The following POLG variants were observed in gnomAD, a reference collection of about 807,000 sequenced individuals.
POLG encodes DNA polymerase subunit gamma-1.
A neutral mutation model predicts 155.4 loss-of-function variants in POLG; 110 were observed. The observed-to-expected ratio is 0.71, with a 90% CI of 0.61 to 0.83. The LOEUF (loss-of-function observed/expected upper bound fraction) is 0.83. POLG is among the 40% of genes least tolerant of loss of function. The pLI, the probability that POLG is intolerant of heterozygous loss-of-function variation, is 0.00. For synonymous variants in POLG, 701 were observed against 631.5 expected, an observed-to-expected ratio of 1.11 and a Z score of -1.65; for missense variants, 1,685 against 1,627.5, an observed-to-expected ratio of 1.04 and a Z score of -0.61.
Position 89,323,516 on chromosome 15 carries a change from G to A in POLG, c.2158-5C>T. ...CTTGGGGCCACCACGGGCAGTCTGT[G>A]AGGGCCACACACCTATATCAGGCCC... is the stretch of plus-strand genomic sequence containing the variant. On this transcript the variant is annotated splice_region_variant and splice_polypyrimidine_tract_variant and intron_variant, in intron 12 of 22. Coordinates refer to ENST00000268124, the MANE Select transcript of POLG (RefSeq NM_002693.3). The A allele has an allele frequency of 6.3e-7, 1 of 1,575,642 alleles. No homozygotes were observed.
At chr15:89,317,955 A>C (rs2055326750) in intron 21 of POLG, 1 of 311,304 alleles carries the variant, frequency 3.2e-6, no homozygotes, top group Non-Finnish European at 6.2e-6. Context: ...ATCAGGATAG[A>C]TCATGGTTCC....
intron 6 of POLG, 105 bp from the exon 7 acceptor site, chr15:89,327,454 C>A (rs1305649732): frequency 1.9e-6 from 2 of 1,033,080 alleles, no homozygotes; most frequent in Non-Finnish European, 2.9e-6. Flanking sequence ...TGACATGGCA[C>A]AGCTCAAAAG....
intron 10 of POLG, among the ~76,000 whole-genome samples, chr15:89,325,123 T>TGAGA (rs1567189427): frequency 3.3e-4 from 13 of 39,288 alleles, no homozygotes; most frequent in African/African-American, 1.3e-3. Flanking sequence ...AGTGAGTGAG[T>TGAGA]GAGTGAGAGA....
At chr15:89,330,048 G>T in intron 3 of POLG, 33 bp downstream of exon 3, 1 of 1,575,702 alleles carries the variant, frequency 6.3e-7, no homozygotes, top group Non-Finnish European at 8.7e-7. Context: ...CCCATCCCAT[G>T]CCAGAACCTG....
At position 89,333,588 on chromosome 15, in the gene POLG, G is replaced by GGCTGCTGTTGCTGCTGCT. The variant is rs773536141; in HGVS notation, c.149_166dup (p.Gln50_Gln55dup). Reference sequence around the variant, plus strand: ...CGAGGATAGCACTTGCGGCTGCTGAGGCTGCTGTTGCTGCTGCTGCTGCTG... The same window carrying GGCTGCTGTTGCTGCTGCT: ...CGAGGATAGCACTTGCGGCTGCTGAGGCTGCTGTTGCTGCTGCTGCTGCTGTTGCTGCTGCTGCTGCTG... On this transcript the variant is annotated inframe_insertion, in exon 2 of 23. Transcript: ENST00000268124. The GGCTGCTGTTGCTGCTGCT allele has an allele frequency of 1.2e-6, 2 of 1,604,890 alleles. No individual in the cohort carries two copies. The highest frequency in any genetic ancestry group is 2.7e-5 in the African/African-American group (2 of 73,744).
At position 89,319,285 on chromosome 15, in the gene POLG, TCA is replaced by T; in HGVS notation, c.3045_3046del (p.Glu1016GlyfsTer30). 6.2e-7 allele frequency: 1 copy of T among 1,614,140 alleles called. No individual in the cohort carries two copies. The highest frequency in any genetic ancestry group is 8.5e-7 in the Non-Finnish European group (1 of 1,180,020). ...ATCCTGCAGGGAAATCCAGCCACCC[TCA>T]GTCCTGTCCACTGGGAGGTTCAACT... is the stretch of plus-strand genomic sequence containing the variant. On this transcript the variant is annotated frameshift_variant, in exon 19 of 23. Coordinates refer to ENST00000268124, the MANE Select transcript of POLG (RefSeq NM_002693.3). LOFTEE classifies it high-confidence loss of function.
chr15:89,319,212 C>T lies in POLG; in HGVS notation c.3104+16G>A. The stretch of plus-strand genomic sequence containing the variant: ...CAGACCCCTCCCTCCATCCTTAACA[C>T]AAAGAAGGTTCTTACTTCCTTGCAG... On this transcript the variant is annotated intron_variant, in intron 19 of 22. Transcript: ENST00000268124. The T allele has an allele frequency of 6.2e-7, 1 of 1,614,190 alleles. No individual in the cohort carries two copies. Among genetic ancestry groups the T allele is most frequent in the Non-Finnish European group, 8.5e-7 (1 of 1,180,030 alleles).
At chr15:89,317,316 C>G (rs3176236) in intron 22 of POLG, 60 bp downstream of exon 22, 5 of 1,556,642 alleles carry the variant, frequency 3.2e-6, no homozygotes, top group Non-Finnish European at 4.4e-6. Context: ...TTCTCCAAGA[C>G]CCACTTTCTA....
At position 89,322,221 on chromosome 15, in the gene POLG, G is replaced by A. The variant is rs577615450; in HGVS notation, c.2427-206C>T. 7.2e-5 allele frequency among the ~76,000 whole-genome samples: 11 copies of A among 152,294 alleles called. No individual in the cohort carries two copies. The South Asian group carries it at 8.3e-4, about 11-fold the overall frequency. ...CAAGAGCATAAACCATCTGGGAACC[G>A]GCCAGGCCTCCGAGCGAGCTTCCGC... On this transcript the variant is annotated intron_variant, in intron 14 of 22. Coordinates refer to ENST00000268124, the MANE Select transcript of POLG (RefSeq NM_002693.3).
Position 89,325,069 on chromosome 15 carries a change from TGAGTGAGTGAGTGAGA to T in POLG, c.1949+365_1949+380del, listed in dbSNP as rs1314550903. 9.2e-5 allele frequency among the ~76,000 whole-genome samples: 8 copies of T among 86,778 alleles called. 1 individual carries two copies. The highest frequency in any genetic ancestry group is 4.1e-4 in the Admixed American group (4 of 9,646). 56.9% of individuals were successfully genotyped at this position (86,778 alleles called of 152,430 possible). On this transcript the variant is annotated intron_variant, in intron 10 of 22. Transcript: ENST00000268124. ...GTGAGTGAGTGAGAGAGTGAGTGAG[TGAGTGAGTGAGTGAGA>T]GAGTGAGTGAGTGAGAGAGTGAGAG...
chr15:89,330,535 G>A (rs891612014), intron 2 of POLG, among the ~76,000 whole-genome samples: 2 of 152,144 alleles, frequency 1.3e-5, no homozygotes, highest in African/African-American at 2.4e-5. Context: ...TTAGACCTAC[G>A]TGCAGGTATT....
intron 10 of POLG, 153 bp from the exon 11 acceptor site, chr15:89,324,380 G>A: frequency 2.3e-6 from 2 of 856,268 alleles, no homozygotes; most frequent in Non-Finnish European, 1.9e-6. Context: ...GTTTTAGACA[G>A]GGATTGATTG....
In POLG at chr15:89,330,084, G is replaced by C. The variant is rs41540414; in HGVS notation, c.852C>G (p.Ile284Met). The change falls in exon 3 of 23, where the codon ATC becomes ATG. Residue 284 changes from isoleucine (I) to methionine (M), a missense_variant. Around this residue, in one of 3 missense-constraint regions of POLG, gnomAD observed 1,210 missense variants for 1,167.1 expected, o/e 1.04. Transcript: ENST00000268124. ...CAGTTGGCCCCAGGAACCTTACCTG[G>C]ATCAGGTACTGCTCCCTGATATGAG... ...DRAHIREQYL[I>M]QGSRMRFLDT... The C allele has an allele frequency of 6.2e-7, 1 of 1,612,140 alleles. No homozygotes were observed. The highest frequency in any genetic ancestry group is 8.5e-7 in the Non-Finnish European group (1 of 1,178,230).
chr15:89,326,748 T>C lies in POLG; in HGVS notation c.1586-10A>G, dbSNP rs1060504038. On this transcript the variant is annotated splice_polypyrimidine_tract_variant and intron_variant, in intron 8 of 22. Transcript: ENST00000268124. ...CTGCAGGGGCCGAGGTCTGTGAGGG[T>C]GGGGGAAGACAATCAGGAGCAGGAG... 2 of 1,613,848 alleles carry C rather than the reference T, an allele frequency of 1.2e-6. No individual in the cohort carries two copies. Among genetic ancestry groups the C allele is most frequent in the African/African-American group, 2.7e-5 (2 of 74,860 alleles).
chr15:89,316,423 GAACA>G lies in POLG; in HGVS notation c.*324_*327del. On this transcript the variant is annotated 3_prime_UTR_variant, in exon 23 of 23. Coordinates refer to ENST00000268124, the MANE Select transcript of POLG (RefSeq NM_002693.3). ...GCACTGCATCAGAGCATGGGGGACAGAACAAAGAACCAGCCAAGAAGAAAAGGAA... is the reference window on the plus strand; with the variant it reads ...GCACTGCATCAGAGCATGGGGGACAGAAGAACCAGCCAAGAAGAAAAGGAA... 1 of 1,611,868 alleles carries G rather than the reference GAACA, an allele frequency of 6.2e-7. No homozygotes were observed. The highest frequency in any genetic ancestry group is 8.5e-7 in the Non-Finnish European group (1 of 1,178,674).
intron 3 of POLG, 61 bp downstream of exon 3, chr15:89,330,020 T>G: frequency 1.7e-4 from 238 of 1,372,818 alleles, no homozygotes; most frequent in Non-Finnish European, 2.3e-4. Context: ...CCCTAACCAC[T>G]GAGATTAGGG....
In POLG at chr15:89,327,354, G is replaced by C. The variant is rs199621975; in HGVS notation, c.1251-5C>G. The stretch of plus-strand genomic sequence containing the variant: ...AGAGTCACTGGGTGGGGACACCTTG[G>C]AGGCAAACACCAGGAGCTGCCATAA... On this transcript the variant is annotated splice_region_variant and splice_polypyrimidine_tract_variant and intron_variant, in intron 6 of 22. Coordinates refer to ENST00000268124, the MANE Select transcript of POLG (RefSeq NM_002693.3). 15 of 1,612,534 alleles carry C rather than the reference G, an allele frequency of 9.3e-6. No individual in the cohort carries two copies. The East Asian group carries it at 3.1e-4, about 34-fold the overall frequency.
At chr15:89,317,148 T>G (rs1431262658) in intron 22 of POLG, 2 of 603,712 alleles carry the variant, frequency 3.3e-6, no homozygotes, top group East Asian at 5.6e-5. Flanking sequence ...GTGGTTGAAG[T>G]AGGGGACAGG....
chr15:89,330,612 G>C (rs1175967403), intron 2 of POLG, among the ~76,000 whole-genome samples: 1 of 152,122 alleles, frequency 6.6e-6, no homozygotes, highest in Non-Finnish European at 1.5e-5. Flanking sequence ...ATCTAGCTCT[G>C]AGGTTTTATG....
Sources: gnomAD v4.1 joint callset for allele counts (sites outside exome capture counted in the v4.1 genomes callset) on GRCh38, gnomAD v4.1.1 for gene constraint, gnomAD v4.1.1 regional missense constraint, MANE v1.5 for transcripts, NCBI Gene and HGNC (gene_info 2026-07-23, HGNC 2026-07-21) for gene names.